Variants in PRTG observed in about 807,000 individuals in gnomAD.
The protein encoded by PRTG is immunoglobulin superfamily, DCC subclass, member 5.
In PRTG, 67 loss-of-function variants were observed where a neutral mutation model predicts 122.5. That is an observed-to-expected ratio of 0.55 (90% CI 0.45 to 0.67). The LOEUF (loss-of-function observed/expected upper bound fraction) is 0.67, where lower values mean the gene tolerates loss of function less well. PRTG is among the 30% of genes least tolerant of loss of function. The pLI, the probability that PRTG is intolerant of heterozygous loss-of-function variation, is 0.00. For synonymous variants in PRTG, 554 were observed against 501.1 expected (o/e 1.11, Z -1.41); for missense variants, 1,435 against 1,415.4 (o/e 1.01, Z -0.22).
intron 11 of PRTG, among the ~76,000 whole-genome samples, chr15:55,665,107 A>G (rs1567089596): frequency 6.6e-6 from 1 of 151,682 alleles, no homozygotes; most frequent in Non-Finnish European, 1.5e-5. Flanking sequence ...AAAAAATACA[A>G]AAAATTAGCC....
rs947154138 is a variant in PRTG at position 55,665,877 on chromosome 15, T to G, written c.2041+6568A>C. On this transcript the variant is annotated intron_variant, in intron 11 of 19. Coordinates refer to ENST00000389286, the MANE Select transcript of PRTG (RefSeq NM_173814.6). ...TGTACCCAGCCTGAATAAAATGTTT[T>G]AAAGAATACTATTTTGTGACACGTC... 1.4e-4 allele frequency among the ~76,000 whole-genome samples: 22 copies of G among 152,302 alleles called. 1 individual carries two copies. The highest frequency in any genetic ancestry group is 1.2e-3 in the Admixed American group (19 of 15,300).
chr15:55,737,106 G>A (rs958116325), intron 2 of PRTG, among the ~76,000 whole-genome samples: 6 of 152,038 alleles, frequency 3.9e-5, no homozygotes, highest in African/African-American at 1.4e-4. Flanking sequence ...AGATAACAAA[G>A]ACTTAGTACC....
chr15:55,683,389 G>A (rs2141818098), intron 3 of PRTG, among the ~76,000 whole-genome samples: 1 of 152,218 alleles, frequency 6.6e-6, no homozygotes, highest in East Asian at 1.9e-4. Flanking sequence ...GTAGTAAAGA[G>A]GGGGTTGAGA....
chr15:55,639,747 A>C lies in PRTG; in HGVS notation c.2219T>G (p.Leu740Arg). The C allele has an allele frequency of 6.2e-7, 1 of 1,614,214 alleles. No individual in the cohort carries two copies. The change falls in exon 13 of 20, where the codon CTG becomes CGG. Residue 740 changes from leucine to arginine, a missense_variant. By Grantham distance (102) the Leu-to-Arg change is moderately radical. Coordinates refer to ENST00000389286, the MANE Select transcript of PRTG (RefSeq NM_173814.6). ...AKANTSSSIF[L>R]HWRRPAFTAA... is the part of the protein sequence containing the mutation. The stretch of plus-strand genomic sequence containing the variant: ...GGTGAATGCAGGCCTCCTCCAGTGC[A>C]GGAAGATGGAAGATGAGGTGTTAGC...
At chr15:55,739,141 A>G (rs559194444) in intron 2 of PRTG, among the ~76,000 whole-genome samples, 2 of 152,332 alleles carry the variant, frequency 1.3e-5, no homozygotes, top group Admixed American at 1.3e-4. Flanking sequence ...TAGTTAATAT[A>G]AGGATGGCAT....
At chr15:55,673,869 G>T (rs1200379051) in intron 9 of PRTG, among the ~76,000 whole-genome samples, 193 bp from the exon 10 acceptor site, 2 of 152,156 alleles carry the variant, frequency 1.3e-5, no homozygotes, top group African/African-American at 4.8e-5. Flanking sequence ...GGCTAAGTGT[G>T]TGGAAACAAA....
intron 2 of PRTG, among the ~76,000 whole-genome samples, chr15:55,715,043 A>C (rs1311709639): frequency 1.3e-5 from 2 of 152,230 alleles, no homozygotes; most frequent in Non-Finnish European, 2.9e-5. Flanking sequence ...AATATTTTTC[A>C]TACTCTCTAA....
intron 17 of PRTG, among the ~76,000 whole-genome samples, chr15:55,626,408 C>CA (rs79517434): frequency 0.039 from 4,574 of 116,318 alleles, 113 homozygotes; most frequent in African/African-American, 0.08. Flanking sequence ...GACTTTGTCT[C>CA]AAAAAAAAAA....
intron 2 of PRTG, among the ~76,000 whole-genome samples, chr15:55,688,157 T>G (rs1167182148): frequency 6.6e-6 from 1 of 152,236 alleles, no homozygotes; most frequent in African/African-American, 2.4e-5. Flanking sequence ...GAAACTTCTC[T>G]TAAGAGTATT....
intron 17 of PRTG, 123 bp downstream of exon 17, chr15:55,626,885 G>T: frequency 1.3e-6 from 1 of 763,336 alleles, no homozygotes; most frequent in Non-Finnish European, 2.0e-6. Flanking sequence ...GAACAATACT[G>T]CACATTTATT....
intron 2 of PRTG, among the ~76,000 whole-genome samples, chr15:55,727,062 T>C (rs1595680452): frequency 1.3e-5 from 2 of 151,222 alleles, no homozygotes; most frequent in African/African-American, 2.4e-5. Flanking sequence ...AAAAGAAGAA[T>C]AATCTCAAAT....
chr15:55,625,276 G>A (rs1167616110), intron 17 of PRTG, among the ~76,000 whole-genome samples: 1 of 152,154 alleles, frequency 6.6e-6, no homozygotes, highest in Non-Finnish European at 1.5e-5. Context: ...GCATGACAGA[G>A]TTTATAGACA....
At chr15:55,741,979 A>C (rs1313129664) in intron 1 of PRTG, among the ~76,000 whole-genome samples, 2 of 152,140 alleles carry the variant, frequency 1.3e-5, no homozygotes, top group Non-Finnish European at 2.9e-5. Flanking sequence ...CACCTCTCCT[A>C]CCGTCACCCC....
chr15:55,676,440 G>A (rs911839686), intron 8 of PRTG, among the ~76,000 whole-genome samples: 4 of 152,098 alleles, frequency 2.6e-5, no homozygotes, highest in Non-Finnish European at 5.9e-5. Context: ...CACAGTAAAC[G>A]CATGTCAACT....
At chr15:55,692,238 G>C (rs1445788908) in intron 2 of PRTG, among the ~76,000 whole-genome samples, 1 of 152,034 alleles carries the variant, frequency 6.6e-6, no homozygotes, top group African/African-American at 2.4e-5. Context: ...CCATCAAAAA[G>C]CCAAGTACTT....
chr15:55,707,253 G>C (rs1204334037), intron 2 of PRTG, among the ~76,000 whole-genome samples: 1 of 152,090 alleles, frequency 6.6e-6, no homozygotes, highest in Non-Finnish European at 1.5e-5. Flanking sequence ...CTAAGGTTAA[G>C]AACATTTAAG....
chr15:55,738,071 A>ATATATATATATATATAT (rs1555438618), intron 2 of PRTG: 3 of 105,438 alleles, frequency 2.8e-5, no homozygotes, highest in Non-Finnish European at 4.1e-5. Context: ...TCTTCCTGTA[A>ATATATATATATATATAT]ATATATATAT....
chr15:55,705,298 G>T (rs1452968305), intron 2 of PRTG, among the ~76,000 whole-genome samples: 3 of 152,116 alleles, frequency 2.0e-5, no homozygotes, highest in Admixed American at 1.3e-4. Flanking sequence ...CATGCAAAAA[G>T]AACAGGTAAT....
rs921667178 is a variant in PRTG, at chr15:55,619,182, G to A, written c.*830C>T. On this transcript the variant is annotated 3_prime_UTR_variant, in exon 20 of 20. Transcript: ENST00000389286. ...GCAGCTTGAGGTTTGGGATATAGGA[G>A]ATAAAGCACTCAGACTCTAATGCCC... 13 of 152,128 alleles carry A rather than the reference G, an allele frequency of 8.5e-5. No homozygotes were observed. Among genetic ancestry groups the A allele is most frequent in the African/African-American group, 3.1e-4 (13 of 41,430 alleles). The allele number at this position is 152,128 out of a possible 1,614,324, so 9.4% of individuals were successfully genotyped here. A position where few individuals can be genotyped will look rare whatever the true frequency, so the allele number is the denominator to read the frequency against.
Sources: gnomAD v4.1 joint callset for allele counts (sites outside exome capture counted in the v4.1 genomes callset) on GRCh38, gnomAD v4.1.1 for gene constraint, MANE v1.5 for transcripts, NCBI Gene and HGNC (gene_info 2026-07-23, HGNC 2026-07-21) for gene names.